GRM8: variants seen among roughly 807,000 people sequenced by gnomAD.
GRM8 encodes the protein glutamate metabotropic receptor 8.
A neutral mutation model predicts 87.2 loss-of-function variants in GRM8; 47 were observed. The observed-to-expected ratio is 0.54, with a 90% CI of 0.43 to 0.69. GRM8 has a LOEUF of 0.69. Ranked by LOEUF, GRM8 falls within the 30% of genes least tolerant of loss-of-function variation. The pLI is 0.00. For missense variants in GRM8, 1,019 were observed against 1,139.2 expected (o/e 0.89, Z 1.52); for synonymous variants, 396 against 404.5 (o/e 0.98, Z 0.25).
chr7:127,204,986 G>A (rs1795819540), intron 2 of GRM8, among the ~76,000 whole-genome samples: 2 of 152,152 alleles, frequency 1.3e-5, no homozygotes, highest in African/African-American at 2.4e-5. Context: ...AGAGGATGAC[G>A]CTGACAGCGG....
intron 3 of GRM8, among the ~76,000 whole-genome samples, chr7:127,049,918 G>A (rs1294959860): frequency 6.6e-6 from 1 of 152,138 alleles, no homozygotes; most frequent in African/African-American, 2.4e-5. Flanking sequence ...AGAAGAAGTG[G>A]GGGAGTCTGG....
Position 127,068,848 on chromosome 7 carries a change from C to T in GRM8, c.727+37648G>A, listed in dbSNP as rs1586908183. The stretch of plus-strand genomic sequence containing the variant: ...TCCTGGCCTGTCTTCTCTTTGTGCT[C>T]TCCTGTTAGCTGAATCCAGTCAGCT... On this transcript the variant is annotated intron_variant, in intron 3 of 10. Coordinates refer to ENST00000339582, the MANE Select transcript of GRM8 (RefSeq NM_000845.3). Among the ~76,000 whole-genome samples the T allele has an allele frequency of 2.0e-5, 3 of 152,228 alleles. No homozygotes were observed. The East Asian group carries it at 5.8e-4, about 29-fold the overall frequency.
At chr7:127,038,966 G>C (rs1378806757) in intron 3 of GRM8, among the ~76,000 whole-genome samples, 1 of 152,164 alleles carries the variant, frequency 6.6e-6, no homozygotes, top group Non-Finnish European at 1.5e-5. Flanking sequence ...CTCCAAAATA[G>C]GTAGGAGGTC....
chr7:127,135,320 A>C (rs1013513132), intron 2 of GRM8, among the ~76,000 whole-genome samples: 2 of 152,132 alleles, frequency 1.3e-5, no homozygotes, highest in African/African-American at 4.8e-5. Flanking sequence ...TTTTTTCACT[A>C]TTCACTAAAG....
At chr7:127,000,692 T>C (rs1199478042) in intron 3 of GRM8, among the ~76,000 whole-genome samples, 2 of 151,570 alleles carry the variant, frequency 1.3e-5, no homozygotes, top group Non-Finnish European at 3.0e-5. Context: ...TAAAGTAGAT[T>C]ACAGATTACC....
intron 3 of GRM8, among the ~76,000 whole-genome samples, chr7:126,986,562 T>A (rs1397426265): frequency 6.6e-6 from 1 of 152,248 alleles, no homozygotes; most frequent in Non-Finnish European, 1.5e-5. Flanking sequence ...GCTATGCACT[T>A]TTATATTTGT....
At chr7:127,085,345 G>T (rs10281671) in intron 3 of GRM8, among the ~76,000 whole-genome samples, 1,878 of 152,282 alleles carry the variant, frequency 0.012, 35 homozygotes, top group African/African-American at 0.042. Flanking sequence ...GGATCGCTGG[G>T]TCAAATAGTA....
At chr7:126,644,415 C>T (rs1182731890) in intron 7 of GRM8, among the ~76,000 whole-genome samples, 2 of 152,040 alleles carry the variant, frequency 1.3e-5, no homozygotes, top group East Asian at 3.9e-4. Flanking sequence ...TGTCTGATGC[C>T]GTGACCATAT....
At chr7:126,836,318 C>T (rs967948033) in intron 6 of GRM8, among the ~76,000 whole-genome samples, 2 of 152,012 alleles carry the variant, frequency 1.3e-5, no homozygotes, top group African/African-American at 4.8e-5. Context: ...ATAAAGAAAA[C>T]AAAAATTTCC....
intron 3 of GRM8, among the ~76,000 whole-genome samples, chr7:127,065,199 C>A (rs943311176): frequency 2.0e-5 from 3 of 152,086 alleles, no homozygotes; most frequent in African/African-American, 7.2e-5. Context: ...TAAAAAAGAA[C>A]CAGATCATGT....
chr7:126,880,149 A>G (rs529892163), intron 6 of GRM8, among the ~76,000 whole-genome samples: 19 of 152,360 alleles, frequency 1.2e-4, no homozygotes, highest in Admixed American at 5.2e-4. Context: ...ATACCCATTC[A>G]TTAAAATGTT....
At chr7:126,461,284 A>C (rs1803871096) in intron 9 of GRM8, among the ~76,000 whole-genome samples, 1 of 151,562 alleles carries the variant, frequency 6.6e-6, no homozygotes. Flanking sequence ...AATACTCTGA[A>C]TTTTATTGAA....
chr7:127,236,006 T>A (rs1049002062), intron 2 of GRM8, among the ~76,000 whole-genome samples: 1 of 151,196 alleles, frequency 6.6e-6, no homozygotes, highest in African/African-American at 2.5e-5. Flanking sequence ...TGAGAATGTG[T>A]TCATATATTT....
chr7:127,125,765 A>AACACAC (rs375563287), intron 2 of GRM8, among the ~76,000 whole-genome samples: 1,876 of 141,160 alleles, frequency 0.013, 29 homozygotes, highest in African/African-American at 0.039. Flanking sequence ...CAAACAACTA[A>AACACAC]ACACACACAC....
intron 3 of GRM8, chr7:127,084,482 C>T (rs1322463546): frequency 6.6e-6 from 1 of 152,112 alleles, no homozygotes; most frequent in African/African-American, 2.4e-5. Flanking sequence ...TTATAAATAA[C>T]ACATAAAACC....
At chr7:126,747,337 C>A (rs1287785805) in intron 7 of GRM8, among the ~76,000 whole-genome samples, 5 of 151,960 alleles carry the variant, frequency 3.3e-5, no homozygotes, top group African/African-American at 1.2e-4. Flanking sequence ...TAAAGGTATG[C>A]ATTCCTAGCC....
At chr7:127,227,148 T>C (rs1200397136) in intron 2 of GRM8, among the ~76,000 whole-genome samples, 1 of 152,210 alleles carries the variant, frequency 6.6e-6, no homozygotes, top group East Asian at 1.9e-4. Context: ...AGGCGGACTC[T>C]GTAGTGATGG....
At chr7:126,869,615 TTGAG>T (rs1260391295) in intron 6 of GRM8, 1 of 152,194 alleles carries the variant, frequency 6.6e-6, no homozygotes, top group Non-Finnish European at 1.5e-5. Context: ...ATCAGAGCTC[TTGAG>T]TGACCAGGTA....
intron 8 of GRM8, among the ~76,000 whole-genome samples, chr7:126,596,997 T>C (rs1797266461): frequency 6.6e-6 from 1 of 152,148 alleles, no homozygotes; most frequent in African/African-American, 2.4e-5. Flanking sequence ...TTAGTACATT[T>C]CTATGTCCTT....
Sources: gnomAD v4.1 joint callset for allele counts (sites outside exome capture counted in the v4.1 genomes callset) on GRCh38, gnomAD v4.1.1 for gene constraint, MANE v1.5 for transcripts, NCBI Gene and HGNC (gene_info 2026-07-23, HGNC 2026-07-21) for gene names.